GREB1: variants seen among roughly 807,000 people sequenced by gnomAD.
The protein encoded by GREB1 is growth regulating estrogen receptor binding 1, also known as protein GREB1.
A neutral mutation model predicts 200.7 loss-of-function variants in GREB1; 106 were observed. The observed-to-expected ratio is 0.53, with a 90% CI of 0.45 to 0.62. The LOEUF is 0.62. Ranked by LOEUF, GREB1 falls within the 20% of genes least tolerant of loss-of-function variation. The pLI is 0.00. For synonymous variants in GREB1, 1,132 were observed against 1,092.4 expected (o/e 1.04, Z -0.72); for missense variants, 2,243 against 2,556.8 (o/e 0.88, Z 2.65).
chr2:11,609,436 CTT>C (rs1682721457), intron 17 of GREB1, among the ~76,000 whole-genome samples: 2 of 151,868 alleles, frequency 1.3e-5, no homozygotes, highest in South Asian at 4.2e-4. Context: ...GCCTGACTAA[CTT>C]TTGTATTTTT....
chr2:11,483,818 T>C (rs1009968298), intron 1 of GREB1, among the ~76,000 whole-genome samples: 3 of 1,218 alleles, frequency 2.5e-3, no homozygotes, highest in Non-Finnish European at 0.029. Context: ...TGCTGTCAAC[T>C]CTCTTTGATG....
chr2:11,516,843 C>T (rs1352710268), intron 1 of GREB1, among the ~76,000 whole-genome samples: 1 of 152,210 alleles, frequency 6.6e-6, no homozygotes, highest in East Asian at 1.9e-4. Context: ...ATTCATTCTA[C>T]CTAGTGGAGG....
At chr2:11,585,125 G>T in intron 7 of GREB1, 36 bp from the exon 8 acceptor site, 1 of 1,182,334 alleles carries the variant, frequency 8.5e-7, no homozygotes, top group Admixed American at 2.6e-5. Context: ...GCCCTGTCCT[G>T]GTGATAGCCT....
At chr2:11,508,915 C>T (rs565279299) in intron 1 of GREB1, among the ~76,000 whole-genome samples, 3 of 149,156 alleles carry the variant, frequency 2.0e-5, no homozygotes, top group Non-Finnish European at 3.0e-5. Flanking sequence ...CGCTCTGTCG[C>T]CCAGGCTGGA....
At chr2:11,587,720 C>A in intron 9 of GREB1, 4 of 1,199,008 alleles carry the variant, frequency 3.3e-6, no homozygotes, top group Non-Finnish European at 4.2e-6. Context: ...CACACACACA[C>A]ACACACACAC....
At chr2:11,508,714 G>C (rs1285871025) in intron 1 of GREB1, among the ~76,000 whole-genome samples, 1 of 152,124 alleles carries the variant, frequency 6.6e-6, no homozygotes, top group African/African-American at 2.4e-5. Context: ...CTTGCACCGT[G>C]TTGAAGATTT....
At chr2:11,632,492 T>C (rs1283404990) in intron 27 of GREB1, among the ~76,000 whole-genome samples, 1 of 152,032 alleles carries the variant, frequency 6.6e-6, no homozygotes, top group East Asian at 1.9e-4. Flanking sequence ...GCGCCAGCCA[T>C]GACGCCCGGC....
chr2:11,577,990 A>G (rs1000304710), intron 5 of GREB1, among the ~76,000 whole-genome samples: 9 of 152,204 alleles, frequency 5.9e-5, no homozygotes, highest in Non-Finnish European at 1.2e-4. Flanking sequence ...ATCTTCAAGT[A>G]ACACTCTCGT....
At chr2:11,584,884 C>G (rs1025007313) in intron 7 of GREB1, 1 of 289,988 alleles carries the variant, frequency 3.4e-6, no homozygotes, top group Non-Finnish European at 6.4e-6. Flanking sequence ...ATCGGGTGTC[C>G]GCACTAAGTT....
chr2:11,576,649 C>A (rs1331534254), intron 5 of GREB1, 114 bp downstream of exon 5: 8 of 740,152 alleles, frequency 1.1e-5, no homozygotes, highest in Non-Finnish European at 4.5e-6. Flanking sequence ...ACATCACGGG[C>A]AAAAGGCCAG....
intron 11 of GREB1, among the ~76,000 whole-genome samples, chr2:11,593,507 GAC>G (rs1490288562): frequency 6.6e-6 from 1 of 152,190 alleles, no homozygotes; most frequent in Non-Finnish European, 1.5e-5. Flanking sequence ...AATTTTTTGA[GAC>G]AAGGTCTCAC....
At chr2:11,499,800 G>A (rs1485857878) in intron 1 of GREB1, among the ~76,000 whole-genome samples, 1 of 152,112 alleles carries the variant, frequency 6.6e-6, no homozygotes, top group Non-Finnish European at 1.5e-5. Context: ...CTATCATATT[G>A]TACATATAAC....
chr2:11,511,606 G>A (rs895801045), intron 1 of GREB1, among the ~76,000 whole-genome samples: 2 of 152,062 alleles, frequency 1.3e-5, no homozygotes, highest in Admixed American at 6.6e-5. Flanking sequence ...AAGGTGACCC[G>A]GTGAGAGGAG....
chr2:11,585,684 C>T (rs1680008602), intron 8 of GREB1, 78 bp from the exon 9 acceptor site: 9 of 1,531,854 alleles, frequency 5.9e-6, no homozygotes, highest in Middle Eastern at 4.7e-4. Context: ...AGCAGATTTG[C>T]TGGCTGGCCT....
chr2:11,561,003 G>A (rs1676965947), intron 2 of GREB1, among the ~76,000 whole-genome samples: 1 of 152,134 alleles, frequency 6.6e-6, no homozygotes, highest in Non-Finnish European at 1.5e-5. Flanking sequence ...CTTGTGGGGT[G>A]CCTAGAATAC....
chr2:11,485,029 C>G (rs1672621697), intron 1 of GREB1, among the ~76,000 whole-genome samples: 1 of 152,012 alleles, frequency 6.6e-6, no homozygotes, highest in Non-Finnish European at 1.5e-5. Flanking sequence ...TCAGTAGAGA[C>G]GGGGTTTCAC....
Position 11,612,576 on chromosome 2 carries a change from A to G in GREB1, c.3088A>G (p.Ser1030Gly). Residue 1030 changes from serine (S) to glycine (G), a missense_variant, in exon 19 of 33, where the codon AGT (serine) becomes GGT (glycine). Physicochemically the swap from Ser to Gly is moderately conservative, Grantham distance 56. Around this residue, in one of 3 missense-constraint regions of GREB1, gnomAD observed 1,178 missense variants for 1,387.4 expected, o/e 0.85. Coordinates refer to ENST00000381486, the MANE Select transcript of GREB1 (RefSeq NM_014668.4). Reference sequence around the variant, plus strand: ...GGGTCTGCCTTGCATCCTGATCTTCAGTGGGATGGACCCGCATGGGGAGTC... The same window carrying G: ...GGGTCTGCCTTGCATCCTGATCTTCGGTGGGATGGACCCGCATGGGGAGTC... ...LEGLPCILIF[S>G]GMDPHGESLP... The G allele has an allele frequency of 6.2e-7, 1 of 1,612,372 alleles. No homozygotes were observed. The highest frequency in any genetic ancestry group is 8.5e-7 in the Non-Finnish European group (1 of 1,179,606).
chr2:11,508,873 C>CTCTTTTTTTTTTTT (rs1553341299), intron 1 of GREB1, among the ~76,000 whole-genome samples: 12 of 139,572 alleles, frequency 8.6e-5, no homozygotes, highest in African/African-American at 3.0e-4. Context: ...TTCTTTCTCT[C>CTCTTTTTTTTTTTT]TTTTTTTTTT....
intron 4 of GREB1, among the ~76,000 whole-genome samples, chr2:11,572,569 C>G (rs1678420557): frequency 6.6e-6 from 1 of 152,072 alleles, no homozygotes; most frequent in South Asian, 2.1e-4. Context: ...ACATGGAAAC[C>G]CAGAGAAATG....
Sources: gnomAD v4.1 joint callset for allele counts (sites outside exome capture counted in the v4.1 genomes callset) on GRCh38, gnomAD v4.1.1 for gene constraint, gnomAD v4.1.1 regional missense constraint, MANE v1.5 for transcripts, NCBI Gene and HGNC (gene_info 2026-07-23, HGNC 2026-07-21) for gene names.